The following CCDC6 variants were observed in gnomAD, a reference collection of about 807,000 sequenced individuals.
CCDC6 encodes coiled-coil domain-containing protein 6.
CCDC6 carries 20 observed loss-of-function variants against 56.6 expected under a neutral mutation model. The ratio of observed to expected loss-of-function variants is 0.35; its 90% CI spans 0.25 to 0.51. CCDC6 has a LOEUF of 0.51. CCDC6 is among the 20% of genes least tolerant of loss of function. The pLI is 0.95. For synonymous variants in CCDC6, 241 were observed against 234.4 expected, an observed-to-expected ratio of 1.03 and a Z score of -0.26; for missense variants, 367 against 601.1, an observed-to-expected ratio of 0.61 and a Z score of 4.07.
At chr10:59,805,992 C>T (rs149183257) in intron 6 of CCDC6, among the ~76,000 whole-genome samples, 103 of 152,256 alleles carry the variant, frequency 6.8e-4, no homozygotes, top group Middle Eastern at 6.8e-3. Context: ...CTCGTCACAG[C>T]CATGAGTAGG....
intron 3 of CCDC6, among the ~76,000 whole-genome samples, chr10:59,819,473 T>C (rs2070734890): frequency 6.6e-6 from 1 of 152,162 alleles, no homozygotes; most frequent in Non-Finnish European, 1.5e-5. Context: ...TCTTTATCAG[T>C]TTCCCCACCA....
In CCDC6 at chr10:59,868,678, G is replaced by A. The variant is rs1166451925; in HGVS notation, c.304-15976C>T. Among the ~76,000 whole-genome samples, 10 of 152,226 alleles carry A rather than the reference G, an allele frequency of 6.6e-5. No homozygotes were observed. The East Asian group carries it at 7.7e-4, about 12-fold the overall frequency. On this transcript the variant is annotated intron_variant, in intron 1 of 8. Transcript: ENST00000263102. ...CTTTCATGGCTCACTGTGCCTAAGCGTTACAAACAATATGGTTTATGATGA... is the reference window on the plus strand; with the variant it reads ...CTTTCATGGCTCACTGTGCCTAAGCATTACAAACAATATGGTTTATGATGA...
At chr10:59,898,758 A>G (rs1276479536) in intron 1 of CCDC6, among the ~76,000 whole-genome samples, 1 of 152,222 alleles carries the variant, frequency 6.6e-6, no homozygotes, top group African/African-American at 2.4e-5. Context: ...CTTTGAGGCT[A>G]TATTTATTTT....
intron 4 of CCDC6, among the ~76,000 whole-genome samples, chr10:59,814,133 ATTCCAC>A (rs1372124266): frequency 6.6e-6 from 1 of 152,346 alleles, no homozygotes; most frequent in African/African-American, 2.4e-5. Context: ...GTTGAGTGAC[ATTCCAC>A]TTCCAAGTAC....
chr10:59,841,506 T>G (rs180681220), intron 2 of CCDC6, among the ~76,000 whole-genome samples: 92 of 151,978 alleles, frequency 6.1e-4, no homozygotes, highest in African/African-American at 2.1e-3. Flanking sequence ...ACCTGTAGAT[T>G]CTTAAGATTT....
intron 1 of CCDC6, among the ~76,000 whole-genome samples, chr10:59,895,820 G>A (rs1238170822): frequency 6.6e-6 from 1 of 152,186 alleles, no homozygotes; most frequent in Non-Finnish European, 1.5e-5. Flanking sequence ...ACACTGGAAA[G>A]CCTAACAGTG....
chr10:59,891,102 A>G (rs562772239), intron 1 of CCDC6, among the ~76,000 whole-genome samples: 1 of 152,358 alleles, frequency 6.6e-6, no homozygotes, highest in East Asian at 1.9e-4. Flanking sequence ...GATCAACAAC[A>G]AATAATTTTC....
At chr10:59,857,115 C>G (rs2071086711) in intron 1 of CCDC6, among the ~76,000 whole-genome samples, 1 of 152,090 alleles carries the variant, frequency 6.6e-6, no homozygotes, top group Admixed American at 6.5e-5. Flanking sequence ...GAGGACTAGA[C>G]CACAAAGCGT....
chr10:59,877,719 G>T (rs564456120), intron 1 of CCDC6, among the ~76,000 whole-genome samples: 1 of 152,266 alleles, frequency 6.6e-6, no homozygotes, highest in South Asian at 2.1e-4. Context: ...CCATTCTGTG[G>T]TAAGAGATTA....
At chr10:59,875,038 G>C (rs962000405) in intron 1 of CCDC6, among the ~76,000 whole-genome samples, 1 of 152,134 alleles carries the variant, frequency 6.6e-6, no homozygotes, top group Non-Finnish European at 1.5e-5. Context: ...ATAAATGACG[G>C]TGTATCCTGA....
intron 1 of CCDC6, among the ~76,000 whole-genome samples, chr10:59,895,191 A>G (rs571235207): frequency 1.9e-4 from 29 of 152,172 alleles, no homozygotes; most frequent in Admixed American, 1.7e-3. Flanking sequence ...AGTCCCAGCT[A>G]CTCTGGAAGC....
intron 1 of CCDC6, among the ~76,000 whole-genome samples, chr10:59,902,417 G>T (rs1323966310): frequency 1.8e-5 from 2 of 113,552 alleles, no homozygotes; most frequent in African/African-American, 3.5e-5. Context: ...TTTTTGAGAT[G>T]AAGTCTGGCT....
At chr10:59,876,246 T>C (rs2071279264) in intron 1 of CCDC6, among the ~76,000 whole-genome samples, 1 of 151,690 alleles carries the variant, frequency 6.6e-6, no homozygotes, top group Non-Finnish European at 1.5e-5. Flanking sequence ...ACGGGGTTTC[T>C]CCATGTTGGC....
chr10:59,841,615 C>T (rs561181188), intron 2 of CCDC6, among the ~76,000 whole-genome samples: 18 of 152,122 alleles, frequency 1.2e-4, no homozygotes, highest in African/African-American at 4.1e-4. Flanking sequence ...GGCTAGAAAT[C>T]CACGACAACA....
Position 59,792,531 on chromosome 10 carries a change from T to C in CCDC6, c.*386A>G. The stretch of plus-strand genomic sequence containing the variant: ...GGGTAACAACAGCTCAGTAATTTTC[T>C]GCAGATTCATGGAAAAAAATATAAA... On this transcript the variant is annotated 3_prime_UTR_variant, in exon 9 of 9. Coordinates refer to ENST00000263102, the MANE Select transcript of CCDC6 (RefSeq NM_005436.5). 5.9e-6 allele frequency: 3 copies of C among 507,180 alleles called. No homozygotes were observed. 31.4% of individuals were successfully genotyped at this position (507,180 alleles called of 1,614,324 possible). A position where few individuals can be genotyped will look rare whatever the true frequency, so the allele number is the denominator to read the frequency against.
chr10:59,877,101 C>T (rs369335271), intron 1 of CCDC6, among the ~76,000 whole-genome samples: 3 of 152,124 alleles, frequency 2.0e-5, no homozygotes, highest in Non-Finnish European at 2.9e-5. Context: ...TCTTAAGGGA[C>T]GACTGTCTTA....
intron 2 of CCDC6, among the ~76,000 whole-genome samples, chr10:59,836,136 A>G (rs1482968706): frequency 6.6e-6 from 1 of 151,726 alleles, no homozygotes. Context: ...AAGGGTTAAG[A>G]TGAGCAAGAG....
At chr10:59,797,251 A>G (rs938106982) in intron 7 of CCDC6, among the ~76,000 whole-genome samples, 1 of 152,156 alleles carries the variant, frequency 6.6e-6, no homozygotes, top group African/African-American at 2.4e-5. Context: ...CTCAACAGCC[A>G]TCAAGTTTCA....
intron 1 of CCDC6, among the ~76,000 whole-genome samples, chr10:59,896,394 C>G (rs532128168): frequency 2.6e-5 from 4 of 152,302 alleles, no homozygotes; most frequent in African/African-American, 9.6e-5. Flanking sequence ...TGGCACCAAG[C>G]CCAGAGCTGG....
Sources: gnomAD v4.1 joint callset for allele counts (sites outside exome capture counted in the v4.1 genomes callset) on GRCh38, gnomAD v4.1.1 for gene constraint, MANE v1.5 for transcripts, NCBI Gene and HGNC (gene_info 2026-07-23, HGNC 2026-07-21) for gene names.